YES1: variants seen among roughly 807,000 people sequenced by gnomAD.
YES1 encodes tyrosine-protein kinase Yes.
YES1 carries 39 observed loss-of-function variants against 70.4 expected under a neutral mutation model. That is an observed-to-expected ratio of 0.55 (90% CI 0.43 to 0.72). The LOEUF (loss-of-function observed/expected upper bound fraction) is 0.72. Ranked by LOEUF, YES1 falls within the 30% of genes least tolerant of loss-of-function variation. The probability of loss-of-function intolerance (pLI) is 0.00; values close to 1 mark genes in which losing one functional copy is unlikely to be tolerated. For synonymous variants in YES1, 198 were observed against 218.6 expected (o/e 0.91, Z 0.83); for missense variants, 495 against 644.8 (o/e 0.77, Z 2.52).
chr18:812,016 C>CGCGGCG (rs145256073), intron 1 of YES1, 98 bp downstream of exon 1: 27 of 167,980 alleles, frequency 1.6e-4, no homozygotes, highest in South Asian at 1.1e-3. Flanking sequence ...GGCGGGGAAC[C>CGCGGCG]GCGGCGGCGG....
intron 9 of YES1, among the ~76,000 whole-genome samples, chr18:737,770 C>T (rs1042079454): frequency 1.3e-5 from 2 of 152,160 alleles, no homozygotes; most frequent in African/African-American, 4.8e-5. Flanking sequence ...CGCAGGTTGG[C>T]GTGCAGTGGT....
intron 1 of YES1, among the ~76,000 whole-genome samples, chr18:776,672 T>C (rs1905403420): frequency 6.6e-6 from 1 of 152,216 alleles, no homozygotes; most frequent in East Asian, 1.9e-4. Context: ...CATGAATGAA[T>C]GCTTGCCTGG....
intron 2 of YES1, among the ~76,000 whole-genome samples, chr18:752,605 T>A (rs2145730162): frequency 6.6e-6 from 1 of 152,266 alleles, no homozygotes; most frequent in East Asian, 1.9e-4. Flanking sequence ...TTAGCAAAAT[T>A]ATTACATATT....
intron 1 of YES1, among the ~76,000 whole-genome samples, chr18:805,489 T>A (rs1295696401): frequency 6.6e-6 from 1 of 152,226 alleles, no homozygotes; most frequent in Non-Finnish European, 1.5e-5. Flanking sequence ...CACACATTTA[T>A]ATATAAAGCT....
At chr18:775,198 T>C (rs2145786296) in intron 1 of YES1, 1 of 152,244 alleles carries the variant, frequency 6.6e-6, no homozygotes, top group African/African-American at 2.4e-5. Flanking sequence ...CCTAACATAG[T>C]GGCTGGTATT....
At chr18:732,767 C>A (rs1476989270) in intron 11 of YES1, 67 bp downstream of exon 11, 1 of 1,603,508 alleles carries the variant, frequency 6.2e-7, no homozygotes, top group Non-Finnish European at 8.5e-7. Context: ...GCTTACAATT[C>A]TGTTCCTAAT....
intron 2 of YES1, among the ~76,000 whole-genome samples, chr18:752,522 G>A (rs1275520480): frequency 2.6e-5 from 4 of 152,156 alleles, no homozygotes; most frequent in Admixed American, 2.6e-4. Flanking sequence ...AACTAGTGGG[G>A]CAGTGTTCTT....
At chr18:741,692 A>G (rs866620678) in intron 8 of YES1, among the ~76,000 whole-genome samples, 7 of 152,070 alleles carry the variant, frequency 4.6e-5, no homozygotes, top group Non-Finnish European at 1.0e-4. Flanking sequence ...AATCCCAGCT[A>G]CTCAGGAGGC....
intron 1 of YES1, among the ~76,000 whole-genome samples, chr18:811,666 C>T (rs1195357664): frequency 6.6e-6 from 1 of 152,218 alleles, no homozygotes; most frequent in Non-Finnish European, 1.5e-5. Flanking sequence ...CACACCCGCT[C>T]CTCTCCCCGC....
intron 1 of YES1, among the ~76,000 whole-genome samples, chr18:805,780 C>A (rs114056355): frequency 6.6e-6 from 1 of 152,140 alleles, no homozygotes. Flanking sequence ...TCAATACATT[C>A]GCCAGGAAAC....
intron 10 of YES1, 61 bp from the exon 11 acceptor site, chr18:733,026 G>A (rs1000338429): frequency 6.5e-7 from 1 of 1,530,708 alleles, no homozygotes; most frequent in Non-Finnish European, 9.0e-7. Flanking sequence ...TGTAAACATA[G>A]CATATGCAGG....
chr18:785,627 G>A (rs1482658311), intron 1 of YES1, among the ~76,000 whole-genome samples: 4 of 152,186 alleles, frequency 2.6e-5, no homozygotes, highest in African/African-American at 9.7e-5. Flanking sequence ...CAATGCAACA[G>A]TGTTGAGAGG....
At chr18:745,672 G>T in intron 6 of YES1, 36 bp downstream of exon 6, 2 of 1,563,136 alleles carry the variant, frequency 1.3e-6, no homozygotes, top group South Asian at 1.2e-5. Flanking sequence ...ACTAGAATAT[G>T]AAGAAATAAT....
At chr18:754,072 T>A (rs1418285421) in intron 2 of YES1, among the ~76,000 whole-genome samples, 1 of 152,198 alleles carries the variant, frequency 6.6e-6, no homozygotes, top group Non-Finnish European at 1.5e-5. Flanking sequence ...TCTGCTTCTA[T>A]ACTGCTTCTC....
chr18:742,549 A>G (rs955498592), intron 8 of YES1, among the ~76,000 whole-genome samples: 28 of 152,018 alleles, frequency 1.8e-4, no homozygotes, highest in African/African-American at 6.0e-4. Context: ...TGAGAAAACT[A>G]ATTCATTTTA....
At chr18:790,999 C>T (rs921852834) in intron 1 of YES1, among the ~76,000 whole-genome samples, 5 of 152,160 alleles carry the variant, frequency 3.3e-5, no homozygotes, top group African/African-American at 1.2e-4. Context: ...CCTATAATCC[C>T]AGCATTTTGG....
intron 1 of YES1, among the ~76,000 whole-genome samples, chr18:769,377 A>C (rs1201340163): frequency 6.6e-6 from 1 of 152,190 alleles, no homozygotes; most frequent in Non-Finnish European, 1.5e-5. Context: ...TGTACAAATA[A>C]ACACTGTCTT....
chr18:765,248 CTA>C (rs71174288), intron 1 of YES1, among the ~76,000 whole-genome samples: 4,775 of 89,112 alleles, frequency 0.054, 85 homozygotes, highest in Non-Finnish European at 0.066. Context: ...AGAGTTACAA[CTA>C]TATATATATA....
At chr18:763,338 AAAG>A (rs1904691015) in intron 1 of YES1, among the ~76,000 whole-genome samples, 1 of 152,204 alleles carries the variant, frequency 6.6e-6, no homozygotes, top group African/African-American at 2.4e-5. Context: ...TACAGCCTAG[AAAG>A]AAGAAAAAAT....
Sources: gnomAD v4.1 joint callset for allele counts (sites outside exome capture counted in the v4.1 genomes callset) on GRCh38, gnomAD v4.1.1 for gene constraint, MANE v1.5 for transcripts, NCBI Gene and HGNC (gene_info 2026-07-23, HGNC 2026-07-21) for gene names.